The following GPC6 variants were observed in gnomAD, a reference collection of about 807,000 sequenced individuals.
GPC6 encodes the protein glypican 6.
A neutral mutation model predicts 55.2 loss-of-function variants in GPC6; 14 were observed. That is an observed-to-expected ratio of 0.25 (90% confidence interval 0.17 to 0.40). The LOEUF is 0.40. GPC6 is among the 10% of genes least tolerant of loss of function. The pLI, the probability that GPC6 is intolerant of heterozygous loss-of-function variation, is 1.00. For synonymous variants in GPC6, 278 were observed against 259.6 expected, an observed-to-expected ratio of 1.07 and a Z score of -0.68; for missense variants, 641 against 708.5, an observed-to-expected ratio of 0.90 and a Z score of 1.08.
intron 3 of GPC6, among the ~76,000 whole-genome samples, chr13:93,896,236 T>C (rs1471100020): frequency 6.6e-6 from 1 of 151,992 alleles, no homozygotes. Flanking sequence ...AAGGAAATAT[T>C]TCCCATTAAA....
At chr13:93,416,811 T>C (rs898586610) in intron 1 of GPC6, among the ~76,000 whole-genome samples, 6 of 152,022 alleles carry the variant, frequency 3.9e-5, no homozygotes, top group Admixed American at 1.3e-4. Context: ...CCCCCTGTTA[T>C]TATAGAAAAA....
At chr13:93,458,390 G>C (rs1878551650) in intron 1 of GPC6, among the ~76,000 whole-genome samples, 1 of 151,892 alleles carries the variant, frequency 6.6e-6, no homozygotes, top group Non-Finnish European at 1.5e-5. Flanking sequence ...TTATTTGCTT[G>C]CTTGTTTCTT....
intron 6 of GPC6, among the ~76,000 whole-genome samples, chr13:94,344,302 T>C (rs1878180451): frequency 6.6e-6 from 1 of 152,254 alleles, no homozygotes; most frequent in Non-Finnish European, 1.5e-5. Context: ...AAGAATGTTT[T>C]GTTAAGGGGA....
At chr13:94,154,273 T>A (rs1887849436) in intron 4 of GPC6, 2 of 140,960 alleles carry the variant, frequency 1.4e-5, no homozygotes, top group Admixed American at 7.3e-5. Flanking sequence ...ATTTTAGTGT[T>A]GTTTTTAGGC....
At chr13:94,147,850 TA>T (rs1887615786) in intron 4 of GPC6, among the ~76,000 whole-genome samples, 1 of 152,180 alleles carries the variant, frequency 6.6e-6, no homozygotes, top group Non-Finnish European at 1.5e-5. Flanking sequence ...TCATTTATCA[TA>T]AAAGTTATAT....
chr13:93,586,157 A>G (rs1294978617), intron 2 of GPC6, among the ~76,000 whole-genome samples: 1 of 151,832 alleles, frequency 6.6e-6, no homozygotes, highest in Non-Finnish European at 1.5e-5. Flanking sequence ...GCTCCCCTCT[A>G]TGTGTCCATG....
At chr13:93,964,969 C>T (rs951907710) in intron 3 of GPC6, among the ~76,000 whole-genome samples, 2 of 151,996 alleles carry the variant, frequency 1.3e-5, no homozygotes, top group African/African-American at 4.8e-5. Context: ...AGTTTTAATA[C>T]TATTGCTACC....
At chr13:93,600,953 AAAAAAAAAAAAAAG>A (rs1877988950) in intron 2 of GPC6, among the ~76,000 whole-genome samples, 1 of 150,052 alleles carries the variant, frequency 6.7e-6, no homozygotes, top group Non-Finnish European at 1.5e-5. Context: ...CCGCCTCAAA[AAAAAAAAAAAAAAG>A]AAAAAAAAAA....
intron 2 of GPC6, among the ~76,000 whole-genome samples, chr13:93,595,909 G>T (rs143095262): frequency 0.012 from 1,752 of 152,158 alleles, 34 homozygotes; most frequent in African/African-American, 0.04. Context: ...TTAAAAAGAT[G>T]TATAAATATT....
At chr13:93,550,887 T>G (rs972647181) in intron 2 of GPC6, among the ~76,000 whole-genome samples, 1 of 152,158 alleles carries the variant, frequency 6.6e-6, no homozygotes, top group Admixed American at 6.5e-5. Context: ...AAAAAATGAC[T>G]AATAATGACT....
chr13:93,444,463 C>T lies in GPC6; in HGVS notation c.161-100800C>T, dbSNP rs1257496525. On this transcript the variant is annotated intron_variant, in intron 1 of 8. Transcript: ENST00000377047. ...CCCTACTAAAAATACAAAAATTAGC[C>T]GGGTGTGGTGGCATGAGCCTGTAGT... Among the ~76,000 whole-genome samples the T allele has an allele frequency of 5.9e-5, 9 of 152,080 alleles. No individual in the cohort carries two copies. The East Asian group carries it at 1.4e-3, about 23-fold the overall frequency.
intron 4 of GPC6, among the ~76,000 whole-genome samples, chr13:94,097,395 T>C (rs4773781): frequency 0.75 from 114,048 of 151,344 alleles, 43,293 homozygotes; most frequent in Middle Eastern, 0.85. Context: ...TAATCCCAGC[T>C]ACCGAGGAGG....
At chr13:93,887,283 A>C (rs1875397277) in intron 3 of GPC6, among the ~76,000 whole-genome samples, 1 of 152,136 alleles carries the variant, frequency 6.6e-6, no homozygotes, top group African/African-American at 2.4e-5. Flanking sequence ...ACTGAAATTT[A>C]GCTTGAATAA....
intron 1 of GPC6, among the ~76,000 whole-genome samples, chr13:93,479,193 T>C (rs1318139472): frequency 1.3e-5 from 2 of 152,120 alleles, no homozygotes; most frequent in Non-Finnish European, 2.9e-5. Context: ...AAAATGTGAA[T>C]TTAGCATTTA....
At chr13:93,669,644 G>A (rs148278565) in intron 2 of GPC6, among the ~76,000 whole-genome samples, 111 of 152,244 alleles carry the variant, frequency 7.3e-4, no homozygotes, top group African/African-American at 2.5e-3. Flanking sequence ...CAGGAAGTGG[G>A]GTTGAAGCTG....
intron 4 of GPC6, among the ~76,000 whole-genome samples, chr13:94,147,393 G>T (rs1175758065): frequency 6.6e-6 from 1 of 152,058 alleles, no homozygotes; most frequent in Non-Finnish European, 1.5e-5. Flanking sequence ...CTATAGCCTG[G>T]GTCAAATCTC....
chr13:94,104,312 A>G (rs1885975364), intron 4 of GPC6, among the ~76,000 whole-genome samples: 1 of 152,058 alleles, frequency 6.6e-6, no homozygotes, highest in African/African-American at 2.4e-5. Context: ...TATTGATTGG[A>G]CATATCTCAA....
chr13:93,906,620 T>C (rs1328955334), intron 3 of GPC6, among the ~76,000 whole-genome samples: 1 of 152,142 alleles, frequency 6.6e-6, no homozygotes, highest in East Asian at 1.9e-4. Context: ...TGTCTTTATA[T>C]AGAAAAGCAT....
intron 4 of GPC6, among the ~76,000 whole-genome samples, chr13:94,250,609 G>A (rs1891319611): frequency 6.6e-6 from 1 of 152,142 alleles, no homozygotes; most frequent in Non-Finnish European, 1.5e-5. Flanking sequence ...AGTAGAAAAA[G>A]TAAAACTGCA....
Sources: gnomAD v4.1 joint callset for allele counts (sites outside exome capture counted in the v4.1 genomes callset) on GRCh38, gnomAD v4.1.1 for gene constraint, MANE v1.5 for transcripts, NCBI Gene and HGNC (gene_info 2026-07-23, HGNC 2026-07-21) for gene names.